CD55: variants seen among roughly 807,000 people sequenced by gnomAD.
CD55 encodes the protein CD55 molecule (Cromer blood group), also known as complement decay-accelerating factor.
Under a neutral mutation model 45.8 loss-of-function variants are expected in CD55, and 41 were observed. That is an observed-to-expected ratio of 0.90 (90% CI 0.70 to 1.16). The LOEUF is 1.16. CD55 is among the 50% of genes most tolerant of loss of function. The pLI is 0.00. For missense variants in CD55, 416 were observed against 469.8 expected (o/e 0.89, Z 1.06); for synonymous variants, 181 against 181.1 (o/e 1.00, Z 0.01).
chr1:207,336,809 A>C lies in CD55; in HGVS notation c.970A>C (p.Asn324His). The C allele has an allele frequency of 6.2e-7, 1 of 1,613,848 alleles. No individual in the cohort carries two copies. The highest frequency in any genetic ancestry group is 8.5e-7 in the Non-Finnish European group (1 of 1,179,818). Residue 324 changes from asparagine to histidine, a missense_variant, in exon 7 of 10, where the codon AAT becomes CAT. By Grantham distance (68) the Asn-to-His change is moderately conservative. This residue lies in a region of CD55 where 182 missense variants were observed against 201.4 expected (regional missense o/e 0.90). Transcript: ENST00000367064. ...AACCACCACAAAAACCACCACACCA[A>C]ATGCTCAAGGTACAGAGACTCCATC... The part of the protein sequence containing the change: ...QKTTTKTTTP[N>H]AQATRSTPVS...
In CD55 at chr1:207,359,538, A is replaced by G; in HGVS notation, c.1082-8A>G. ...TAACTTTTTTTTTTTTTTTTTTTTA[A>G]TTTTCAGGGCACACGTGTTTCACGT... On this transcript the variant is annotated splice_region_variant and splice_polypyrimidine_tract_variant and intron_variant, in intron 9 of 9. Coordinates refer to ENST00000367064, the MANE Select transcript of CD55 (RefSeq NM_000574.5). 1 of 1,099,068 alleles carries G rather than the reference A, an allele frequency of 9.1e-7. No homozygotes were observed. Among genetic ancestry groups the G allele is most frequent in the East Asian group, 3.3e-5 (1 of 29,876 alleles). 68.1% of individuals were successfully genotyped at this position (1,099,068 alleles called of 1,614,324 possible).
At chr1:207,326,254 A>G (rs1345696286) in intron 4 of CD55, among the ~76,000 whole-genome samples, 1 of 152,174 alleles carries the variant, frequency 6.6e-6, no homozygotes, top group African/African-American at 2.4e-5. Flanking sequence ...TTCTCATTTC[A>G]TATCTGTAAA....
chr1:207,358,982 C>G (rs1656181492), intron 9 of CD55, among the ~76,000 whole-genome samples: 1 of 152,040 alleles, frequency 6.6e-6, no homozygotes, highest in South Asian at 2.1e-4. Flanking sequence ...GTTGACCTAC[C>G]TTGTATTTCT....
chr1:207,339,354 A>G, intron 8 of CD55, 43 bp from the exon 9 acceptor site: 1 of 1,554,296 alleles, frequency 6.4e-7, no homozygotes, highest in Non-Finnish European at 8.8e-7. Context: ...AATGACTTTA[A>G]CAAATTTTTG....
At chr1:207,349,204 A>G (rs190796174) in intron 9 of CD55, among the ~76,000 whole-genome samples, 2 of 148,206 alleles carry the variant, frequency 1.3e-5, no homozygotes, top group East Asian at 3.9e-4. Flanking sequence ...TTTTTTTGAG[A>G]CAGAGTCTCA....
At chr1:207,350,542 T>G (rs1655825414) in intron 9 of CD55, among the ~76,000 whole-genome samples, 1 of 152,190 alleles carries the variant, frequency 6.6e-6, no homozygotes, top group Non-Finnish European at 1.5e-5. Flanking sequence ...AACTTGTTAT[T>G]GGTCTGTTCA....
At chr1:207,355,581 G>C (rs570913116) in intron 9 of CD55, among the ~76,000 whole-genome samples, 3 of 152,202 alleles carry the variant, frequency 2.0e-5, no homozygotes, top group African/African-American at 7.2e-5. Context: ...TATTCTGTAG[G>C]CAAAGTAAAT....
In CD55 at chr1:207,322,364, C is replaced by T. The variant is rs1654454839; in HGVS notation, c.101-18C>T. 6.2e-7 allele frequency: 1 copy of T among 1,610,578 alleles called. No individual in the cohort carries two copies. The highest frequency in any genetic ancestry group is 8.5e-7 in the Non-Finnish European group (1 of 1,176,784). ...CACTTGATAGTCATTTCCTTCAGTT[C>T]TGCTTTTGTCTCCCTAGGTGACTGT... On this transcript the variant is annotated intron_variant, in intron 1 of 9. Transcript: ENST00000367064.
intron 9 of CD55, among the ~76,000 whole-genome samples, chr1:207,348,775 A>G (rs1387865453): frequency 6.6e-6 from 1 of 152,130 alleles, no homozygotes; most frequent in Non-Finnish European, 1.5e-5. Flanking sequence ...TCCATTTTCA[A>G]TCTTCTGCAT....
chr1:207,341,035 C>T (rs1349229067), intron 9 of CD55, among the ~76,000 whole-genome samples: 10 of 152,130 alleles, frequency 6.6e-5, no homozygotes, highest in Admixed American at 5.9e-4. Flanking sequence ...TTTGCATTTC[C>T]ATGATGATTA....
intron 5 of CD55, among the ~76,000 whole-genome samples, chr1:207,329,351 G>A (rs1393466977): frequency 6.6e-6 from 1 of 152,204 alleles, no homozygotes; most frequent in African/African-American, 2.4e-5. Context: ...GACACTGATA[G>A]CAATGGCCTC....
At chr1:207,336,163 G>A (rs28371624) in intron 6 of CD55, among the ~76,000 whole-genome samples, 6 of 152,274 alleles carry the variant, frequency 3.9e-5, no homozygotes, top group South Asian at 2.1e-4. Flanking sequence ...AGGAACTGGT[G>A]TATGGAAAGT....
intron 8 of CD55, 39 bp downstream of exon 8, chr1:207,337,448 A>G (rs1572885772): frequency 2.8e-6 from 3 of 1,063,290 alleles, no homozygotes; most frequent in Non-Finnish European, 4.4e-6. Flanking sequence ...GTATGGATCT[A>G]ATGTGCTATG....
intron 9 of CD55, chr1:207,350,155 A>G (rs773255459): frequency 2.2e-6 from 1 of 453,506 alleles, no homozygotes; most frequent in Admixed American, 2.4e-5. Context: ...TATGTGATGA[A>G]TCACATTTAT....
chr1:207,331,795 T>G (rs1473681943), intron 6 of CD55, among the ~76,000 whole-genome samples: 1 of 152,152 alleles, frequency 6.6e-6, no homozygotes, highest in Non-Finnish European at 1.5e-5. Context: ...CTTCTAGACG[T>G]TTTTCTTTCA....
Position 207,322,174 on chromosome 1 carries a change from C to G in CD55, c.101-208C>G. On this transcript the variant is annotated intron_variant, in intron 1 of 9. Coordinates refer to ENST00000367064, the MANE Select transcript of CD55 (RefSeq NM_000574.5). ...GCTCAAAGAGACTGTATCCTTAACC[C>G]CCAAAAAGCTGGTCTAAAAGGATGG... The G allele has an allele frequency of 4.3e-6, 3 of 705,202 alleles. No individual in the cohort carries two copies. In the South Asian group the frequency reaches 4.6e-5, roughly 11 times the overall value. The allele number at this position is 705,202 out of a possible 1,614,324, so 43.7% of individuals were successfully genotyped here. A position where few individuals can be genotyped will look rare whatever the true frequency, so the allele number is the denominator to read the frequency against.
rs745343919 is a variant in CD55 at position 207,359,681 on chromosome 1, T to C, written c.*71T>C. ...TCCTAGTTTCTTAGACTTATCTGCA[T>C]ATTGGATAAAATAAATGCAATTGTG... On this transcript the variant is annotated 3_prime_UTR_variant, in exon 10 of 10. Coordinates refer to ENST00000367064, the MANE Select transcript of CD55 (RefSeq NM_000574.5). The C allele has an allele frequency of 1.3e-6, 2 of 1,525,918 alleles. No homozygotes were observed. Among genetic ancestry groups the C allele is most frequent in the South Asian group, 2.5e-5 (2 of 78,880 alleles). 94.5% of individuals were successfully genotyped at this position (1,525,918 alleles called of 1,614,324 possible). A position where few individuals can be genotyped will look rare whatever the true frequency, so the allele number is the denominator to read the frequency against.
chr1:207,359,430 A>G (rs1392823240), intron 9 of CD55, 116 bp from the exon 10 acceptor site: 7 of 1,110,190 alleles, frequency 6.3e-6, no homozygotes, highest in Non-Finnish European at 8.6e-6. Context: ...TTGCACCCCA[A>G]ATTAACTGAT....
In CD55 at chr1:207,359,536, T is replaced by TTC. The variant is rs56253023; in HGVS notation, c.1082-10_1082-9insTC. 27 of 1,542,064 alleles carry TTC rather than the reference T, an allele frequency of 1.8e-5. No individual in the cohort carries two copies. The highest frequency in any genetic ancestry group is 1.7e-4 in the Middle Eastern group (1 of 5,802). On this transcript the variant is annotated splice_polypyrimidine_tract_variant and intron_variant, in intron 9 of 9. Transcript: ENST00000367064. ...TTTAACTTTTTTTTTTTTTTTTTTT[T>TTC]AATTTTCAGGGCACACGTGTTTCAC...
Sources: gnomAD v4.1 joint callset for allele counts (sites outside exome capture counted in the v4.1 genomes callset) on GRCh38, gnomAD v4.1.1 for gene constraint, gnomAD v4.1.1 regional missense constraint, MANE v1.5 for transcripts, NCBI Gene and HGNC (gene_info 2026-07-23, HGNC 2026-07-21) for gene names.